Variants in SGCZ observed in about 807,000 individuals in gnomAD.
SGCZ encodes zeta-sarcoglycan.
A neutral mutation model predicts 41.3 loss-of-function variants in SGCZ; 40 were observed. That is an observed-to-expected ratio of 0.97 (90% CI 0.75 to 1.26). The LOEUF (loss-of-function observed/expected upper bound fraction) is 1.26. Among genes scored for constraint, SGCZ ranks in the 50% most tolerant of loss-of-function variants. The pLI, the probability that SGCZ is intolerant of heterozygous loss-of-function variation, is 0.00. For synonymous variants in SGCZ, 206 were observed against 137.5 expected (o/e 1.50, Z -3.49); for missense variants, 552 against 369.8 (o/e 1.49, Z -4.04).
Position 14,314,011 on chromosome 8 carries a change from G to A in SGCZ, c.336+10092C>T, listed in dbSNP as rs187371505. 4.0e-5 allele frequency among the ~76,000 whole-genome samples: 6 copies of A among 151,548 alleles called. No homozygotes were observed. The East Asian group carries it at 7.8e-4, about 20-fold the overall frequency. On this transcript the variant is annotated intron_variant, in intron 3 of 7. Transcript: ENST00000382080. ...AATTCTTAAAGCATTTGTTTATAAAGGCAATTAAATTTGAGGTGATGAAGG... is the reference window on the plus strand; with the variant it reads ...AATTCTTAAAGCATTTGTTTATAAAAGCAATTAAATTTGAGGTGATGAAGG...
intron 2 of SGCZ, among the ~76,000 whole-genome samples, chr8:14,551,803 A>G (rs986292354): frequency 6.7e-6 from 1 of 148,950 alleles, no homozygotes; most frequent in South Asian, 2.1e-4. Flanking sequence ...TATTTTCTAA[A>G]AAATGAAAAA....
In SGCZ at chr8:14,344,508, A is replaced by G. The variant is rs73516231; in HGVS notation, c.235-20304T>C. Among the ~76,000 whole-genome samples the G allele has an allele frequency of 2.0e-3, 310 of 152,220 alleles. 2 individuals are homozygous for G. Among genetic ancestry groups the G allele is most frequent in the African/African-American group, 7.0e-3 (291 of 41,558 alleles). On this transcript the variant is annotated intron_variant, in intron 2 of 7. Coordinates refer to ENST00000382080, the MANE Select transcript of SGCZ (RefSeq NM_139167.4). ...ATAAGAAACAGAGCAGATAAACAAC[A>G]TCTTAAAAACCTGAAAGAAATTAAC...
chr8:14,959,469 A>G (rs1800895597), intron 1 of SGCZ, among the ~76,000 whole-genome samples: 1 of 152,176 alleles, frequency 6.6e-6, no homozygotes, highest in South Asian at 2.1e-4. Flanking sequence ...CTTATAGTAT[A>G]TCAGCCATAA....
At chr8:14,134,998 C>T (rs1372275860) in intron 5 of SGCZ, among the ~76,000 whole-genome samples, 2 of 152,154 alleles carry the variant, frequency 1.3e-5, no homozygotes, top group Non-Finnish European at 2.9e-5. Flanking sequence ...TAGATACCTT[C>T]ACACTATCAC....
intron 3 of SGCZ, among the ~76,000 whole-genome samples, chr8:14,295,792 G>C (rs1316025473): frequency 6.6e-6 from 1 of 152,170 alleles, no homozygotes; most frequent in Non-Finnish European, 1.5e-5. Flanking sequence ...GAATGAAAGA[G>C]AATTTGGTGT....
intron 1 of SGCZ, among the ~76,000 whole-genome samples, chr8:14,915,970 G>C (rs903840685): frequency 2.6e-5 from 4 of 152,116 alleles, no homozygotes; most frequent in Non-Finnish European, 5.9e-5. Context: ...TGTTCCAGCA[G>C]ACTGTTAAAA....
chr8:15,085,520 G>C (rs946567410), intron 1 of SGCZ, among the ~76,000 whole-genome samples: 5 of 152,148 alleles, frequency 3.3e-5, no homozygotes, highest in African/African-American at 1.2e-4. Flanking sequence ...TAAAACAGGA[G>C]GATGTGGGAT....
intron 3 of SGCZ, among the ~76,000 whole-genome samples, chr8:14,322,017 T>C (rs1490870010): frequency 6.6e-6 from 1 of 152,114 alleles, no homozygotes; most frequent in African/African-American, 2.4e-5. Flanking sequence ...AAGTGAATCA[T>C]AATGTGAGAG....
intron 2 of SGCZ, among the ~76,000 whole-genome samples, chr8:14,453,286 A>G (rs1049182204): frequency 1.3e-5 from 2 of 152,162 alleles, no homozygotes; most frequent in African/African-American, 4.8e-5. Flanking sequence ...ATTAAGATAC[A>G]TTATGCACTC....
chr8:15,227,708 G>C (rs1237864148), intron 1 of SGCZ, among the ~76,000 whole-genome samples: 3 of 152,164 alleles, frequency 2.0e-5, no homozygotes, highest in African/African-American at 7.2e-5. Flanking sequence ...GAAAAAATGA[G>C]ATTTCAATTG....
At chr8:14,777,036 C>T (rs1032736030) in intron 1 of SGCZ, among the ~76,000 whole-genome samples, 2 of 152,194 alleles carry the variant, frequency 1.3e-5, no homozygotes, top group African/African-American at 4.8e-5. Context: ...TGTATTCTAT[C>T]TGTGAGGAGG....
At chr8:14,955,374 T>C (rs1269017929) in intron 1 of SGCZ, among the ~76,000 whole-genome samples, 1 of 152,194 alleles carries the variant, frequency 6.6e-6, no homozygotes, top group Non-Finnish European at 1.5e-5. Context: ...TCTTCCCAGC[T>C]GGGGCTCAAA....
chr8:14,903,166 A>G (rs968244102), intron 1 of SGCZ, among the ~76,000 whole-genome samples: 2 of 152,252 alleles, frequency 1.3e-5, no homozygotes, highest in East Asian at 3.9e-4. Context: ...CTCAATGACT[A>G]TAATGAGTGG....
At chr8:14,535,444 C>G (rs1323686337) in intron 2 of SGCZ, among the ~76,000 whole-genome samples, 2 of 151,802 alleles carry the variant, frequency 1.3e-5, no homozygotes, top group Non-Finnish European at 2.9e-5. Flanking sequence ...AAAGGTCACA[C>G]CATGGATTTC....
chr8:15,143,040 T>C (rs1798939775), intron 1 of SGCZ, among the ~76,000 whole-genome samples: 1 of 152,244 alleles, frequency 6.6e-6, no homozygotes, highest in African/African-American at 2.4e-5. Flanking sequence ...ACAATTTCTT[T>C]TCCTTTCCAA....
At chr8:14,718,708 C>A (rs554278089) in intron 1 of SGCZ, among the ~76,000 whole-genome samples, 1 of 151,748 alleles carries the variant, frequency 6.6e-6, no homozygotes, top group African/African-American at 2.4e-5. Context: ...TGTTGATGAT[C>A]TTTAATGCCA....
intron 1 of SGCZ, among the ~76,000 whole-genome samples, chr8:14,807,300 G>A (rs940404206): frequency 2.6e-5 from 4 of 152,118 alleles, no homozygotes; most frequent in Non-Finnish European, 1.5e-5. Flanking sequence ...GTCCCTGTTT[G>A]CAGACGACAT....
intron 2 of SGCZ, among the ~76,000 whole-genome samples, chr8:14,418,544 G>C (rs935943365): frequency 2.0e-5 from 3 of 151,850 alleles, no homozygotes; most frequent in East Asian, 3.9e-4. Context: ...AAAATGGTTT[G>C]TCTCATTGTT....
intron 1 of SGCZ, among the ~76,000 whole-genome samples, chr8:15,064,685 G>C (rs115884286): frequency 1.3e-5 from 2 of 151,958 alleles, no homozygotes; most frequent in Admixed American, 6.5e-5. Context: ...TCCCTCCCTA[G>C]TTGCTGTTCT....
Sources: gnomAD v4.1 joint callset for allele counts (sites outside exome capture counted in the v4.1 genomes callset) on GRCh38, gnomAD v4.1.1 for gene constraint, MANE v1.5 for transcripts, NCBI Gene and HGNC (gene_info 2026-07-23, HGNC 2026-07-21) for gene names.